The following DET1 variants were observed in gnomAD, a reference collection of about 807,000 sequenced individuals.
DET1 encodes the protein DET1 homolog.
Under a neutral mutation model 43.7 loss-of-function variants are expected in DET1, and 22 were observed. That is an observed-to-expected ratio of 0.50 (90% confidence interval 0.36 to 0.72). The LOEUF is 0.72. Among genes scored for constraint, DET1 ranks in the 30% least tolerant of loss-of-function variants. The pLI is 0.00. For missense variants in DET1, 713 were observed against 713.3 expected, an observed-to-expected ratio of 1.00 and a Z score of 0.00; for synonymous variants, 315 against 266.2, an observed-to-expected ratio of 1.18 and a Z score of -1.79.
Position 88,529,327 on chromosome 15 carries a change from T to A in DET1, c.1083+1296A>T, listed in dbSNP as rs557566397. The stretch of plus-strand genomic sequence containing the variant: ...ATGGATATAGAATTACTCAAACATT[T>A]ACTAGCCTTCCCTCCAAGGCAGACT... On this transcript the variant is annotated intron_variant, in intron 2 of 4. Transcript: ENST00000268148. 3.9e-5 allele frequency among the ~76,000 whole-genome samples: 6 copies of A among 152,286 alleles called. No individual in the cohort carries two copies. The East Asian group carries it at 9.6e-4, about 24-fold the overall frequency.
Position 88,512,987 on chromosome 15 carries a change from A to G in DET1, c.1617T>C (p.Tyr539=). 1 of 1,614,088 alleles carries G rather than the reference A, an allele frequency of 6.2e-7. No individual in the cohort carries two copies. The highest frequency in any genetic ancestry group is 8.5e-7 in the Non-Finnish European group (1 of 1,179,910). ...AISVQRTNAE[Y]VVNFHMRHCC... ...AGTGTCGCATATGGAAGTTGACAACATACTCAGCATTAGTCCTCTGCACAG... is the reference window on the plus strand; with the variant it reads ...AGTGTCGCATATGGAAGTTGACAACGTACTCAGCATTAGTCCTCTGCACAG... The change falls in exon 5 of 5, where the codon TAT becomes TAC. Residue 539 remains tyrosine (Y), a synonymous_variant. Coordinates refer to ENST00000268148, the MANE Select transcript of DET1 (RefSeq NM_001144074.3).
intron 2 of DET1, 65 bp from the exon 3 acceptor site, chr15:88,527,851 C>T: frequency 1.6e-6 from 2 of 1,255,606 alleles, no homozygotes; most frequent in Non-Finnish European, 2.1e-6. Flanking sequence ...GGAAACTTAG[C>T]ACTTATTACT....
chr15:88,543,060 C>T (rs543701158), intron 1 of DET1, among the ~76,000 whole-genome samples: 14 of 152,270 alleles, frequency 9.2e-5, no homozygotes, highest in African/African-American at 1.9e-4. Context: ...GGACAGACAC[C>T]GAAGAACAGG....
intron 3 of DET1, among the ~76,000 whole-genome samples, chr15:88,525,077 G>A (rs2056625952): frequency 6.6e-6 from 1 of 152,158 alleles, no homozygotes; most frequent in Admixed American, 6.5e-5. Flanking sequence ...ATATAAATTT[G>A]AGAATCAGAA....
chr15:88,543,025 A>G (rs1332279497), intron 1 of DET1, among the ~76,000 whole-genome samples: 1 of 152,246 alleles, frequency 6.6e-6, no homozygotes, highest in Admixed American at 6.5e-5. Context: ...GTATACTGCT[A>G]TAAGAGGTAA....
chr15:88,538,781 C>T (rs545959521), intron 1 of DET1, among the ~76,000 whole-genome samples: 19 of 152,276 alleles, frequency 1.2e-4, no homozygotes, highest in East Asian at 9.7e-4. Context: ...GACCACCTTC[C>T]GGAGGAGAGT....
intron 3 of DET1, among the ~76,000 whole-genome samples, chr15:88,526,156 GAATTC>G (rs2056657172): frequency 6.6e-6 from 1 of 152,202 alleles, no homozygotes; most frequent in Non-Finnish European, 1.5e-5. Context: ...ACAGTTGTCT[GAATTC>G]AATAGCCATC....
chr15:88,506,248 T>C (rs991057681), intron 7 of DET1, among the ~76,000 whole-genome samples: 4 of 152,156 alleles, frequency 2.6e-5, no homozygotes, highest in Non-Finnish European at 5.9e-5. Flanking sequence ...GTGCTAAAAT[T>C]CTTATCATCA....
intron 1 of DET1, among the ~76,000 whole-genome samples, chr15:88,543,474 C>T (rs1331532152): frequency 1.3e-5 from 2 of 152,206 alleles, no homozygotes; most frequent in Non-Finnish European, 2.9e-5. Flanking sequence ...CAGCTACTAT[C>T]CAAGACTGTA....
At chr15:88,529,615 T>C (rs1314364857) in intron 2 of DET1, among the ~76,000 whole-genome samples, 2 of 152,278 alleles carry the variant, frequency 1.3e-5, no homozygotes, top group Non-Finnish European at 2.9e-5. Context: ...CACGATACCC[T>C]GTACAGAATC....
Position 88,512,772 on chromosome 15 carries a change from A to C in DET1, c.*179T>G, listed in dbSNP as rs2289415. The C allele has an allele frequency of 0.094, 130,354 of 1,388,910 alleles. 10,354 individuals carry two copies. The highest frequency in any genetic ancestry group is 0.51 in the East Asian group (19,878 of 39,158). 86.0% of individuals were successfully genotyped at this position (1,388,910 alleles called of 1,614,324 possible). ...AACAATCAGTAGCAGTATTGTATAC[A>C]ATTTAAAAATTCCATTAGGTTGAGC... On this transcript the variant is annotated 3_prime_UTR_variant, in exon 5 of 5. Transcript: ENST00000268148.
intron 8 of DET1, chr15:88,502,920 C>T (rs1567053458): frequency 6.6e-6 from 1 of 152,296 alleles, no homozygotes; most frequent in Admixed American, 6.5e-5. Context: ...TTAGCAGGTC[C>T]TCAATAAATG....
chr15:88,513,055 G>T lies in DET1; in HGVS notation c.1549C>A (p.Leu517Ile), dbSNP rs1216985964. The T allele has an allele frequency of 6.2e-7, 1 of 1,614,064 alleles. No individual in the cohort carries two copies. The highest frequency in any genetic ancestry group is 8.5e-7 in the Non-Finnish European group (1 of 1,179,898). The change falls in exon 5 of 5, where the codon CTT (leucine) becomes ATT (isoleucine). Residue 517 changes from leucine (L) to isoleucine (I), a missense_variant. By Grantham distance (5) the Leu-to-Ile change is conservative. Coordinates refer to ENST00000268148, the MANE Select transcript of DET1 (RefSeq NM_001144074.3). ...AAAGGGTGAAAGGTGAAGGCAACAA[G>T]GCGTCGCACTGTGTGGTTGATGGGG... Reference protein sequence around the residue: ...GRPINHTVRRLVAFTFHPFEP... With the variant: ...GRPINHTVRRIVAFTFHPFEP...
At position 88,527,685 on chromosome 15, in the gene DET1, G is replaced by C. The variant is rs554485790; in HGVS notation, c.1185C>G (p.Asp395Glu). The change falls in exon 3 of 5, where the codon GAC (aspartate) becomes GAG (glutamate). Residue 395 changes from aspartate to glutamate, a missense_variant. Physicochemically the swap from Asp to Glu is conservative, Grantham distance 45. Coordinates refer to ENST00000268148, the MANE Select transcript of DET1 (RefSeq NM_001144074.3). ...ELLELFENFCDLFRNATLHSE... is the reference protein window; with the variant it reads ...ELLELFENFCELFRNATLHSE... Reference sequence around the variant, plus strand: ...TGTGCAGGGTAGCATTACGAAAAAGGTCACAGAAGTTCTCAAAGAGCTCCA... The same window carrying C: ...TGTGCAGGGTAGCATTACGAAAAAGCTCACAGAAGTTCTCAAAGAGCTCCA... 3.7e-6 allele frequency: 6 copies of C among 1,613,744 alleles called. No homozygotes were observed. The highest frequency in any genetic ancestry group is 1.3e-5 in the African/African-American group (1 of 74,892).
intron 1 of DET1, among the ~76,000 whole-genome samples, chr15:88,541,869 T>G (rs1270935292): frequency 6.6e-6 from 1 of 152,176 alleles, no homozygotes; most frequent in Non-Finnish European, 1.5e-5. Flanking sequence ...AGGGAGGACA[T>G]GTCTCTTCGA....
intron 3 of DET1, among the ~76,000 whole-genome samples, chr15:88,519,121 G>C (rs1280096722): frequency 6.6e-6 from 1 of 152,132 alleles, no homozygotes; most frequent in Non-Finnish European, 1.5e-5. Context: ...ATGGGGGCTG[G>C]CTCACAGCTT....
At chr15:88,525,905 G>T (rs1283096854) in intron 3 of DET1, among the ~76,000 whole-genome samples, 1 of 148,616 alleles carries the variant, frequency 6.7e-6, no homozygotes, top group Non-Finnish European at 1.5e-5. Flanking sequence ...TTGAAACTTG[G>T]ACTCAAGCAA....
rs1396656443 is a variant in DET1 at position 88,530,674 on chromosome 15, G to C, written c.1032C>G (p.Ile344Met). The change falls in exon 2 of 5, where the codon ATC becomes ATG. Residue 344 changes from isoleucine to methionine, a missense_variant. Ile to Met is a conservative substitution (Grantham distance 10). Coordinates refer to ENST00000268148, the MANE Select transcript of DET1 (RefSeq NM_001144074.3). ...TTACTACATCCTCACTAGTGTACTTGATAAACAGGTGGTTTTCATCCAGAA... is the reference window on the plus strand; with the variant it reads ...TTACTACATCCTCACTAGTGTACTTCATAAACAGGTGGTTTTCATCCAGAA... ...MQLLDENHLF[I>M]KYTSEDVVTL... 1 of 1,613,770 alleles carries C rather than the reference G, an allele frequency of 6.2e-7. No individual in the cohort carries two copies. Among genetic ancestry groups the C allele is most frequent in the Non-Finnish European group, 8.5e-7 (1 of 1,179,782 alleles).
intron 1 of DET1, among the ~76,000 whole-genome samples, chr15:88,538,940 G>T (rs921761483): frequency 1.3e-5 from 2 of 152,116 alleles, no homozygotes; most frequent in Non-Finnish European, 2.9e-5. Context: ...GACTCAGCCC[G>T]TTACTCTAGG....
Sources: allele counts gnomAD v4.1 joint callset (sites outside exome capture counted in the v4.1 genomes callset), GRCh38; gene constraint gnomAD v4.1.1; transcripts MANE v1.5; gene names NCBI Gene and HGNC (gene_info 2026-07-23, HGNC 2026-07-21).